The following DMD variants were observed in gnomAD, a reference collection of about 807,000 sequenced individuals.
DMD encodes mutant dystrophin.
DMD carries 63 observed loss-of-function variants against 330.1 expected under a neutral mutation model. That is an observed-to-expected ratio of 0.19 (90% CI 0.16 to 0.24). The LOEUF (loss-of-function observed/expected upper bound fraction) is 0.24, where lower values mean the gene tolerates loss of function less well. Among genes scored for constraint, DMD ranks in the 10% least tolerant of loss-of-function variants. DMD has a pLI of 1.00. For missense variants in DMD, 3,344 were observed against 2,684.1 expected, an observed-to-expected ratio of 1.25 and a Z score of -5.43; for synonymous variants, 1,223 against 959.8, an observed-to-expected ratio of 1.27 and a Z score of -5.07.
chrX:32,038,666 C>CT (rs1365125421), intron 44 of DMD, among the ~76,000 whole-genome samples: 191 of 103,358 alleles, frequency 1.8e-3, no homozygotes, highest in Admixed American at 3.8e-3. Context: ...ACACACTATA[C>CT]TTTTTTTTTT....
At chrX:32,754,868 T>C (rs1037389557) in intron 7 of DMD, 22 of 111,699 alleles carry the variant, frequency 2.0e-4, no homozygotes, top group African/African-American at 6.8e-4. Flanking sequence ...GTGACTTCTG[T>C]GCCTCTTTCC....
chrX:32,696,801 T>G lies in DMD; in HGVS notation c.960+1069A>C, dbSNP rs2063690240. On this transcript the variant is annotated intron_variant, in intron 9 of 78. Coordinates refer to ENST00000357033, the MANE Select transcript of DMD (RefSeq NM_004006.3). The stretch of plus-strand genomic sequence containing the variant: ...GGAGGGAATGGTGATAAATTGAGTC[T>G]AGAGAGTCGATGGAGAGTCAAGAGG... Among the ~76,000 whole-genome samples, 3 of 111,106 alleles carry G rather than the reference T, an allele frequency of 2.7e-5. No homozygotes were observed. The Admixed American group carries it at 2.9e-4, about 11-fold the overall frequency.
chrX:33,084,580 T>G (rs975213498), intron 1 of DMD, among the ~76,000 whole-genome samples: 1 of 111,009 alleles, frequency 9.0e-6, no homozygotes, highest in East Asian at 2.9e-4. Context: ...GGCCACAAGA[T>G]CAGATGAGCC....
chrX:32,671,706 A>G (rs775889880), intron 9 of DMD, among the ~76,000 whole-genome samples: 29 of 112,175 alleles, frequency 2.6e-4, no homozygotes, highest in African/African-American at 9.0e-4. Context: ...AACCAGATAA[A>G]GAGCTTCATT....
At chrX:32,342,540 A>G in intron 40 of DMD, 1 of 368,325 alleles carries the variant, frequency 2.7e-6, no homozygotes, top group Non-Finnish European at 4.7e-6. Flanking sequence ...TCTTTCTTCT[A>G]AATTCCTCTG....
intron 41 of DMD, among the ~76,000 whole-genome samples, chrX:32,340,359 T>C (rs2097735576): frequency 8.9e-6 from 1 of 111,926 alleles, no homozygotes; most frequent in Non-Finnish European, 1.9e-5. Flanking sequence ...GAGGAAAATA[T>C]ATCCCAGAAT....
At chrX:31,652,965 C>G (rs968193585) in intron 54 of DMD, among the ~76,000 whole-genome samples, 1 of 110,652 alleles carries the variant, frequency 9.0e-6, no homozygotes, top group African/African-American at 3.3e-5. Flanking sequence ...TGTTGGCCTG[C>G]TAAAGGGGAG....
chrX:31,457,212 T>C (rs1328877958), intron 59 of DMD, among the ~76,000 whole-genome samples: 1 of 110,783 alleles, frequency 9.0e-6, no homozygotes. Context: ...CACAGAGTGT[T>C]TGTATGCAGA....
intron 44 of DMD, among the ~76,000 whole-genome samples, chrX:32,129,978 CTT>C (rs756669672): frequency 6.8e-4 from 61 of 89,457 alleles, no homozygotes; most frequent in Admixed American, 7.4e-4. Flanking sequence ...TTTTCAAAGA[CTT>C]TTTTTTTTTT....
intron 2 of DMD, among the ~76,000 whole-genome samples, chrX:32,853,228 G>C (rs1354807374): frequency 2.7e-5 from 3 of 111,929 alleles, no homozygotes; most frequent in Non-Finnish European, 5.6e-5. Flanking sequence ...TTATCAACTG[G>C]AAAGAAGAGG....
chrX:32,826,092 T>C (rs2078672493), intron 4 of DMD, among the ~76,000 whole-genome samples: 1 of 111,825 alleles, frequency 8.9e-6, no homozygotes, highest in African/African-American at 3.3e-5. Context: ...ATAAATGAAA[T>C]AATGTTGAAC....
At chrX:31,989,269 C>G (rs767125987) in intron 44 of DMD, among the ~76,000 whole-genome samples, 1 of 111,773 alleles carries the variant, frequency 8.9e-6, no homozygotes, top group Non-Finnish European at 1.9e-5. Context: ...CGGTACCCTG[C>G]GGCCCAGCCA....
upstream of DMD, among the ~76,000 whole-genome samples, chrX:33,213,375 T>G (rs182429626): frequency 1.1e-3 from 122 of 111,842 alleles, no homozygotes; most frequent in Non-Finnish European, 1.8e-3. Context: ...TGCATATACT[T>G]CCCTTAAGAT....
chrX:32,920,566 T>A, intron 2 of DMD, among the ~76,000 whole-genome samples: 1 of 111,923 alleles, frequency 8.9e-6, no homozygotes, highest in South Asian at 3.7e-4. Context: ...TGGGAAAAAC[T>A]CAATTGAATT....
intron 15 of DMD, among the ~76,000 whole-genome samples, chrX:32,571,302 G>A (rs1456183502): frequency 1.8e-5 from 2 of 112,058 alleles, no homozygotes; most frequent in African/African-American, 6.5e-5. Context: ...TTAAGGAGAT[G>A]TAATCCATGC....
chrX:32,277,703 T>C (rs754460987), intron 43 of DMD, among the ~76,000 whole-genome samples: 64 of 110,804 alleles, frequency 5.8e-4, no homozygotes, highest in African/African-American at 1.9e-3. Flanking sequence ...TTAAACAATA[T>C]GCTACTAAAT....
chrX:32,495,076 CA>C (rs150130065), intron 19 of DMD, among the ~76,000 whole-genome samples: 1 of 110,495 alleles, frequency 9.1e-6, no homozygotes, highest in Non-Finnish European at 1.9e-5. Context: ...GAAAACATTT[CA>C]AAAAAAACGT....
At chrX:32,375,673 C>A (rs113516648) in intron 34 of DMD, among the ~76,000 whole-genome samples, 2,181 of 111,522 alleles carry the variant, frequency 0.02, 52 homozygotes, top group African/African-American at 0.066. Flanking sequence ...ACAGAGATAG[C>A]TCTTGTTCTG....
chrX:31,745,071 T>C (rs2087713517), intron 51 of DMD, among the ~76,000 whole-genome samples: 1 of 111,282 alleles, frequency 9.0e-6, no homozygotes, highest in Non-Finnish European at 1.9e-5. Flanking sequence ...TTCTGAGAGA[T>C]GGGATTTTAT....
Sources: allele counts gnomAD v4.1 joint callset (sites outside exome capture counted in the v4.1 genomes callset), GRCh38; gene constraint gnomAD v4.1.1; transcripts MANE v1.5; gene names NCBI Gene and HGNC (gene_info 2026-07-23, HGNC 2026-07-21).